Variants in CDK5RAP2 observed in about 807,000 individuals in gnomAD.
The protein encoded by CDK5RAP2 is CDK5 regulatory subunit associated protein 2.
Under a neutral mutation model 232.9 loss-of-function variants are expected in CDK5RAP2, and 147 were observed. The ratio of observed to expected loss-of-function variants is 0.63; its 90% CI spans 0.55 to 0.72. CDK5RAP2 has a LOEUF of 0.72. Among genes scored for constraint, CDK5RAP2 ranks in the 30% least tolerant of loss-of-function variants. The pLI is 0.00. For synonymous variants in CDK5RAP2, 833 were observed against 833.7 expected (o/e 1.00, Z 0.01); for missense variants, 2,195 against 2,231.5 (o/e 0.98, Z 0.33).
At chr9:120,404,178 A>G in intron 32 of CDK5RAP2, 65 bp from the exon 33 acceptor site, 2 of 1,012,052 alleles carry the variant, frequency 2.0e-6, no homozygotes, top group South Asian at 1.3e-5. Flanking sequence ...GAGAACTGAA[A>G]GAGAATACAG....
At chr9:120,496,751 C>G (rs887340960) in intron 12 of CDK5RAP2, among the ~76,000 whole-genome samples, 2 of 132,874 alleles carry the variant, frequency 1.5e-5, no homozygotes, top group African/African-American at 6.5e-5. Context: ...GGTCAGCCCC[C>G]CGCCCGGCCA....
chr9:120,500,751 T>G (rs969863394), intron 12 of CDK5RAP2, among the ~76,000 whole-genome samples: 4 of 152,218 alleles, frequency 2.6e-5, no homozygotes, highest in Non-Finnish European at 4.4e-5. Context: ...GGGCAAGGTC[T>G]AGCTACCATA....
chr9:120,395,908 A>T (rs115880366), intron 35 of CDK5RAP2, among the ~76,000 whole-genome samples: 1 of 152,244 alleles, frequency 6.6e-6, no homozygotes, highest in South Asian at 2.1e-4. Flanking sequence ...GAAGAATTCT[A>T]TATTCAAATT....
In CDK5RAP2 at chr9:120,545,803, A is replaced by G. The variant is rs376421333; in HGVS notation, c.307-13T>C. The G allele has an allele frequency of 1.2e-6, 2 of 1,606,452 alleles. No individual in the cohort carries two copies. Among genetic ancestry groups the G allele is most frequent in the Non-Finnish European group, 1.7e-6 (2 of 1,173,334 alleles). On this transcript the variant is annotated splice_polypyrimidine_tract_variant and intron_variant, in intron 4 of 37. Transcript: ENST00000349780. ...TGAGCTCAATGTTCTACAAAACAAG[A>G]TTAAGAAAGAAAAGAAACAATGTAA... is the stretch of plus-strand genomic sequence containing the variant.
At chr9:120,408,224 C>G in intron 31 of CDK5RAP2, 123 bp downstream of exon 31, 1 of 1,097,098 alleles carries the variant, frequency 9.1e-7, no homozygotes, top group Non-Finnish European at 1.4e-6. Flanking sequence ...CAACACCCAT[C>G]CACTCTACCC....
chr9:120,496,632 A>C, intron 12 of CDK5RAP2, among the ~76,000 whole-genome samples: 2 of 135,104 alleles, frequency 1.5e-5, no homozygotes, highest in African/African-American at 2.8e-5. Flanking sequence ...GGCCGCCCCT[A>C]CTGGGAAGTG....
At chr9:120,533,209 T>C (rs1256330078) in intron 7 of CDK5RAP2, among the ~76,000 whole-genome samples, 1 of 152,078 alleles carries the variant, frequency 6.6e-6, no homozygotes, top group Non-Finnish European at 1.5e-5. Flanking sequence ...CCTCCCACAC[T>C]GAGAGCACCA....
rs528584519 is a variant in CDK5RAP2 at position 120,472,762 on chromosome 9, T to A, written c.1728-884A>T. ...CCAAGAAAATGCACACCTCCCAGAA[T>A]GTGCATTAATCTTGGGGAAACCTGT... On this transcript the variant is annotated intron_variant, in intron 15 of 37. Transcript: ENST00000349780. Among the ~76,000 whole-genome samples the A allele has an allele frequency of 3.9e-5, 6 of 152,310 alleles. No individual in the cohort carries two copies. In the South Asian group the frequency reaches 1.2e-3, roughly 32 times the overall value.
chr9:120,425,704 T>A (rs1443479923), intron 25 of CDK5RAP2, among the ~76,000 whole-genome samples: 1 of 152,228 alleles, frequency 6.6e-6, no homozygotes, highest in East Asian at 1.9e-4. Context: ...TAACTTCAAA[T>A]GTCACAGCCT....
At chr9:120,449,088 G>T (rs367564706) in intron 21 of CDK5RAP2, among the ~76,000 whole-genome samples, 1 of 152,162 alleles carries the variant, frequency 6.6e-6, no homozygotes, top group Non-Finnish European at 1.5e-5. Context: ...ACAAAGTCCT[G>T]CAGGACCTAC....
intron 30 of CDK5RAP2, 144 bp from the exon 31 acceptor site, chr9:120,408,612 G>C: frequency 1.1e-6 from 1 of 906,818 alleles, no homozygotes; most frequent in South Asian, 1.4e-5. Context: ...AATTCCATGT[G>C]CTCTCTAATC....
chr9:120,461,492 C>G (rs567180650), intron 18 of CDK5RAP2, among the ~76,000 whole-genome samples: 1 of 152,174 alleles, frequency 6.6e-6, no homozygotes, highest in African/African-American at 2.4e-5. Flanking sequence ...CAGCCACTCC[C>G]GGATAAGGAA....
intron 2 of CDK5RAP2, among the ~76,000 whole-genome samples, chr9:120,571,453 A>G (rs1295446855): frequency 6.6e-6 from 1 of 152,250 alleles, no homozygotes; most frequent in African/African-American, 2.4e-5. Flanking sequence ...CCCAAACTGC[A>G]AAGTCTCCTC....
rs370378740 is a variant in CDK5RAP2 at position 120,536,466 on chromosome 9, C to T, written c.568G>A (p.Ala190Thr). 6.2e-7 allele frequency: 1 copy of T among 1,614,190 alleles called. No individual in the cohort carries two copies. The highest frequency in any genetic ancestry group is 1.7e-5 in the Admixed American group (1 of 60,022). Residue 190 changes from alanine (A) to threonine (T), a missense_variant, in exon 7 of 38, where the codon GCT (alanine) becomes ACT (threonine). Ala to Thr is a moderately conservative substitution (Grantham distance 58). Coordinates refer to ENST00000349780, the MANE Select transcript of CDK5RAP2 (RefSeq NM_018249.6). ...TTGCTTTCCAAACGCAACCGAAGAG[C>T]CTTCTCCGTCTCTGTCCCTGCAAAG... is the stretch of plus-strand genomic sequence containing the variant. ...KAFAGTETEK[A>T]LRLRLESKLS... is the part of the protein sequence containing the mutation.
At chr9:120,577,616 A>C (rs550074258) in intron 1 of CDK5RAP2, among the ~76,000 whole-genome samples, 4 of 152,184 alleles carry the variant, frequency 2.6e-5, no homozygotes, top group Admixed American at 6.5e-5. Context: ...GAGATGAGGG[A>C]AAGGAGAATA....
At position 120,545,738 on chromosome 9, in the gene CDK5RAP2, C is replaced by G; in HGVS notation, c.359G>C (p.Arg120Thr). 6.2e-7 allele frequency: 1 copy of G among 1,613,950 alleles called. No individual in the cohort carries two copies. The highest frequency in any genetic ancestry group is 8.5e-7 in the Non-Finnish European group (1 of 1,179,840). Residue 120 changes from arginine (R) to threonine (T), a missense_variant, in exon 5 of 38, where the codon AGA becomes ACA. Transcript: ENST00000349780. ...CGAGGCTTTGATGAGCAGCTGCTCT[C>G]TCTCCTGGAGTTCCCGCTTCAGACT... Reference protein sequence around the residue: ...VESLKRELQEREQLLIKASKA... With the variant: ...VESLKRELQETEQLLIKASKA...
Position 120,547,049 on chromosome 9 carries a change from C to A in CDK5RAP2, c.307-1259G>T, listed in dbSNP as rs568123336. On this transcript the variant is annotated intron_variant, in intron 4 of 37. Coordinates refer to ENST00000349780, the MANE Select transcript of CDK5RAP2 (RefSeq NM_018249.6). ...TCACCCAGTCTGGAGTGCAGTGGTGCGATCTCAGCTCACTGCAACCTCCAC... is the reference window on the plus strand; with the variant it reads ...TCACCCAGTCTGGAGTGCAGTGGTGAGATCTCAGCTCACTGCAACCTCCAC... Among the ~76,000 whole-genome samples, 3 of 151,522 alleles carry A rather than the reference C, an allele frequency of 2.0e-5. 1 individual carries two copies. Among genetic ancestry groups the A allele is most frequent in the Non-Finnish European group, 2.9e-5 (2 of 67,928 alleles).
At chr9:120,576,293 C>T (rs541010348) in intron 1 of CDK5RAP2, among the ~76,000 whole-genome samples, 14 of 152,248 alleles carry the variant, frequency 9.2e-5, no homozygotes, top group Non-Finnish European at 1.3e-4. Context: ...AATATATTCA[C>T]GTTTTTTAAA....
intron 27 of CDK5RAP2, among the ~76,000 whole-genome samples, chr9:120,416,320 C>T (rs981246895): frequency 2.0e-5 from 3 of 152,194 alleles, no homozygotes; most frequent in African/African-American, 4.8e-5. Context: ...CACCCGCCTC[C>T]TGGGGTTGGA....
Sources: gnomAD v4.1 joint callset for allele counts (sites outside exome capture counted in the v4.1 genomes callset) on GRCh38, gnomAD v4.1.1 for gene constraint, MANE v1.5 for transcripts, NCBI Gene and HGNC (gene_info 2026-07-23, HGNC 2026-07-21) for gene names.